The following EML6 variants were observed in gnomAD, a reference collection of about 807,000 sequenced individuals.
The protein encoded by EML6 is EMAP like 6.
Under a neutral mutation model 240.1 loss-of-function variants are expected in EML6, and 154 were observed. The observed-to-expected ratio is 0.64, with a 90% confidence interval of 0.56 to 0.73. The LOEUF is 0.73. EML6 is among the 30% of genes least tolerant of loss of function. The pLI is 0.00. For missense variants in EML6, 2,964 were observed against 2,474.6 expected (o/e 1.20, Z -4.20); for synonymous variants, 1,148 against 899.0 (o/e 1.28, Z -4.95).
At chr2:54,815,183 A>G (rs1042793034) in intron 3 of EML6, among the ~76,000 whole-genome samples, 1 of 152,082 alleles carries the variant, frequency 6.6e-6, no homozygotes, top group African/African-American at 2.4e-5. Flanking sequence ...ATGTTAATTT[A>G]TGTTAGAATC....
intron 2 of EML6, among the ~76,000 whole-genome samples, chr2:54,805,873 CT>C (rs1260959972): frequency 6.6e-6 from 1 of 151,956 alleles, no homozygotes; most frequent in African/African-American, 2.4e-5. Context: ...ATATGGATAC[CT>C]AGTTGTTCCA....
At chr2:54,814,975 C>A (rs1668017393) in intron 3 of EML6, among the ~76,000 whole-genome samples, 1 of 152,166 alleles carries the variant, frequency 6.6e-6, no homozygotes, top group South Asian at 2.1e-4. Context: ...CCTGAATAAA[C>A]TGAAGTGAAT....
At chr2:54,792,837 AGATGTTAT>A (rs1669526539) in intron 2 of EML6, among the ~76,000 whole-genome samples, 1 of 152,228 alleles carries the variant, frequency 6.6e-6, no homozygotes, top group Non-Finnish European at 1.5e-5. Context: ...ATTTCTAAAA[AGATGTTAT>A]GAGGACATAC....
At chr2:54,910,420 T>A (rs559137031) in intron 24 of EML6, among the ~76,000 whole-genome samples, 1 of 152,244 alleles carries the variant, frequency 6.6e-6, no homozygotes, top group Non-Finnish European at 1.5e-5. Context: ...GGATTTCTTT[T>A]CAAATGTTCA....
At chr2:54,782,152 A>G (rs1277302584) in intron 2 of EML6, among the ~76,000 whole-genome samples, 2 of 152,286 alleles carry the variant, frequency 1.3e-5, no homozygotes, top group South Asian at 4.1e-4. Context: ...ACTAAGTTTT[A>G]TTTTGAATTT....
At chr2:54,901,160 C>G (rs140376984) in intron 22 of EML6, among the ~76,000 whole-genome samples, 87 of 152,286 alleles carry the variant, frequency 5.7e-4, no homozygotes, top group African/African-American at 2.1e-3. Context: ...TTGCCACTTA[C>G]AAATCAGAAA....
At chr2:54,956,075 A>G (rs72910837) in intron 32 of EML6, among the ~76,000 whole-genome samples, 5,075 of 152,252 alleles carry the variant, frequency 0.033, 269 homozygotes, top group African/African-American at 0.11. Flanking sequence ...AGCTTATTAC[A>G]TAAAATCCAT....
At chr2:54,918,852 G>A (rs1356907058) in intron 26 of EML6, among the ~76,000 whole-genome samples, 1 of 152,158 alleles carries the variant, frequency 6.6e-6, no homozygotes, top group African/African-American at 2.4e-5. Flanking sequence ...AATATGTGAG[G>A]TTAGTTCACA....
At chr2:54,867,986 C>A (rs932570312) in intron 14 of EML6, 1 of 152,154 alleles carries the variant, frequency 6.6e-6, no homozygotes, top group Non-Finnish European at 1.5e-5. Flanking sequence ...TAGCCACACA[C>A]AGTCACTGAG....
At chr2:54,857,393 C>T (rs1422555671) in intron 11 of EML6, among the ~76,000 whole-genome samples, 1 of 152,120 alleles carries the variant, frequency 6.6e-6, no homozygotes, top group East Asian at 1.9e-4. Flanking sequence ...TTCAGTGTCC[C>T]AGGGAAAGCC....
chr2:54,868,893 A>T, intron 14 of EML6: 1 of 320,938 alleles, frequency 3.1e-6, no homozygotes, highest in African/African-American at 2.1e-5. Context: ...CCTGTGCCTC[A>T]TCACAGATGT....
intron 17 of EML6, among the ~76,000 whole-genome samples, chr2:54,885,941 C>A (rs978623364): frequency 2.0e-5 from 3 of 152,062 alleles, no homozygotes; most frequent in African/African-American, 7.2e-5. Context: ...GTCAGAGCCC[C>A]AAAATTCCAT....
At chr2:54,841,692 A>G (rs1669465909) in intron 7 of EML6, among the ~76,000 whole-genome samples, 1 of 148,536 alleles carries the variant, frequency 6.7e-6, no homozygotes, top group Non-Finnish European at 1.5e-5. Context: ...TCCCAGGCTC[A>G]TGCCATTCTC....
At chr2:54,926,348 C>T (rs746267327) in intron 26 of EML6, among the ~76,000 whole-genome samples, 13 of 152,204 alleles carry the variant, frequency 8.5e-5, no homozygotes, top group Admixed American at 2.0e-4. Flanking sequence ...GTGATCTGCC[C>T]GCCTTGGCCT....
At chr2:54,796,510 T>C (rs1669786277) in intron 2 of EML6, among the ~76,000 whole-genome samples, 1 of 152,098 alleles carries the variant, frequency 6.6e-6, no homozygotes, top group Non-Finnish European at 1.5e-5. Context: ...TTTCTTTTTT[T>C]TTGTAAATGG....
chr2:54,947,696 C>T (rs977616020), intron 28 of EML6, among the ~76,000 whole-genome samples: 2 of 152,210 alleles, frequency 1.3e-5, no homozygotes, highest in Admixed American at 1.3e-4. Context: ...GCAGAGTCCC[C>T]GGGCGCATTC....
chr2:54,935,298 C>T (rs997983115), intron 28 of EML6, among the ~76,000 whole-genome samples: 2 of 152,148 alleles, frequency 1.3e-5, no homozygotes, highest in Non-Finnish European at 2.9e-5. Flanking sequence ...TACACATAAG[C>T]TGGAGATTTG....
At chr2:54,911,998 C>A (rs1411341051) in intron 25 of EML6, among the ~76,000 whole-genome samples, 1 of 152,212 alleles carries the variant, frequency 6.6e-6, no homozygotes, top group East Asian at 1.9e-4. Context: ...GGAAATATTG[C>A]TTCCTTAGAG....
intron 7 of EML6, among the ~76,000 whole-genome samples, chr2:54,836,621 A>G (rs968877364): frequency 5.3e-5 from 8 of 152,026 alleles, no homozygotes; most frequent in African/African-American, 1.7e-4. Flanking sequence ...TACACACAGG[A>G]TCCCATTTAA....
Sources: gnomAD v4.1 joint callset for allele counts (sites outside exome capture counted in the v4.1 genomes callset) on GRCh38, gnomAD v4.1.1 for gene constraint, MANE v1.5 for transcripts, NCBI Gene and HGNC (gene_info 2026-07-23, HGNC 2026-07-21) for gene names.